RGS22: variants seen among roughly 807,000 people sequenced by gnomAD.
The protein encoded by RGS22 is regulator of G-protein signaling 22.
A neutral mutation model predicts 172.9 loss-of-function variants in RGS22; 148 were observed. The observed-to-expected ratio is 0.86, with a 90% CI of 0.75 to 0.98. RGS22 has a LOEUF of 0.98. Among genes scored for constraint, RGS22 ranks in the 50% least tolerant of loss-of-function variants. RGS22 has a pLI of 0.00. For missense variants in RGS22, 1,347 were observed against 1,440.8 expected (o/e 0.93, Z 1.05); for synonymous variants, 458 against 480.2 (o/e 0.95, Z 0.60).
At chr8:100,068,682 A>C (rs770434264) in intron 6 of RGS22, among the ~76,000 whole-genome samples, 9 of 152,142 alleles carry the variant, frequency 5.9e-5, no homozygotes, top group Non-Finnish European at 1.0e-4. Flanking sequence ...CTGTAATACC[A>C]ACTCTTTGGT....
At chr8:100,032,244 C>A (rs1818899222) in intron 14 of RGS22, among the ~76,000 whole-genome samples, 1 of 152,096 alleles carries the variant, frequency 6.6e-6, no homozygotes, top group Non-Finnish European at 1.5e-5. Context: ...AGTCAAGACC[C>A]ATCAGTGTGC....
rs2131150158 is a variant in RGS22 at position 99,973,936 on chromosome 8, T to C, written c.3519+3981A>G. 1.3e-5 allele frequency among the ~76,000 whole-genome samples: 2 copies of C among 150,984 alleles called. 1 individual carries two copies. The highest frequency in any genetic ancestry group is 1.3e-4 in the Admixed American group (2 of 15,158). ...GGTTGATGGGTGCAGCAAACTACCA[T>C]GGCACATGTATACCTATGTAACAAA... On this transcript the variant is annotated intron_variant, in intron 23 of 27. Coordinates refer to ENST00000360863, the MANE Select transcript of RGS22 (RefSeq NM_015668.5).
At chr8:99,961,989 TCTAACA>T (rs1176362513) in intron 27 of RGS22, among the ~76,000 whole-genome samples, 1 of 152,196 alleles carries the variant, frequency 6.6e-6, no homozygotes, top group Non-Finnish European at 1.5e-5. Flanking sequence ...TTTGTTAAAC[TCTAACA>T]CTAGTATCCA....
intron 11 of RGS22, among the ~76,000 whole-genome samples, chr8:100,045,007 G>T (rs1820563264): frequency 6.6e-6 from 1 of 152,102 alleles, no homozygotes; most frequent in African/African-American, 2.4e-5. Flanking sequence ...TACTGGCTGG[G>T]CTTGGTGGCT....
At chr8:100,033,425 G>A (rs1589023236) in intron 14 of RGS22, among the ~76,000 whole-genome samples, 1 of 152,086 alleles carries the variant, frequency 6.6e-6, no homozygotes, top group Non-Finnish European at 1.5e-5. Context: ...TAGAAGAAAT[G>A]GATAAATTCC....
chr8:100,007,207 A>G (rs1392542220), intron 15 of RGS22, among the ~76,000 whole-genome samples: 1 of 152,210 alleles, frequency 6.6e-6, no homozygotes, highest in Non-Finnish European at 1.5e-5. Flanking sequence ...ATGACGATCT[A>G]AGAAGTTGTT....
At chr8:100,083,963 C>T (rs534065944) in intron 3 of RGS22, among the ~76,000 whole-genome samples, 1 of 151,420 alleles carries the variant, frequency 6.6e-6, no homozygotes, top group South Asian at 2.1e-4. Flanking sequence ...GATTCTCCTG[C>T]CTCAGCCTCC....
intron 9 of RGS22, among the ~76,000 whole-genome samples, chr8:100,053,354 G>A (rs748434769): frequency 3.0e-4 from 46 of 151,502 alleles, no homozygotes; most frequent in Middle Eastern, 3.4e-3. Flanking sequence ...CCCAGAAGGC[G>A]GAGGTTGCAG....
At position 100,039,019 on chromosome 8, in the gene RGS22, C is replaced by A; in HGVS notation, c.2078G>T (p.Ser693Ile). The change falls in exon 14 of 28, where the codon AGT (serine) becomes ATT (isoleucine). Residue 693 changes from serine to isoleucine, a missense_variant. Ser to Ile is a moderately radical substitution (Grantham distance 142). Transcript: ENST00000360863. ...EHSGNKLWKN[S>I]VYFWFDLQAY... is the part of the protein sequence containing the mutation. ...CTGCAGGTCAAACCAAAAGTACACA[C>A]TGTTCTTCCACAACTACAGATGGAA... The A allele has an allele frequency of 1.2e-6, 2 of 1,602,892 alleles. No homozygotes were observed. Among genetic ancestry groups the A allele is most frequent in the Non-Finnish European group, 1.7e-6 (2 of 1,172,182 alleles).
chr8:100,101,846 T>C (rs1274291510), intron 2 of RGS22, among the ~76,000 whole-genome samples: 3 of 150,998 alleles, frequency 2.0e-5, no homozygotes, highest in Non-Finnish European at 4.4e-5. Context: ...AAAAAAAAGC[T>C]AGTATGAACA....
chr8:100,096,115 C>T (rs1812947211), intron 2 of RGS22, among the ~76,000 whole-genome samples: 1 of 152,122 alleles, frequency 6.6e-6, no homozygotes, highest in Non-Finnish European at 1.5e-5. Context: ...ACCACAAACC[C>T]TTTAATTAAA....
intron 9 of RGS22, among the ~76,000 whole-genome samples, chr8:100,056,314 G>C (rs1822244599): frequency 1.3e-5 from 2 of 152,188 alleles, no homozygotes; most frequent in South Asian, 4.1e-4. Flanking sequence ...AAAATTTGCA[G>C]CCTGATGATG....
chr8:100,090,634 T>C (rs888115028), intron 3 of RGS22, among the ~76,000 whole-genome samples: 2 of 152,088 alleles, frequency 1.3e-5, no homozygotes, highest in African/African-American at 4.8e-5. Flanking sequence ...GTGTTGAGGT[T>C]GTTATTTTAG....
At chr8:100,033,895 T>C (rs923357537) in intron 14 of RGS22, among the ~76,000 whole-genome samples, 7 of 151,828 alleles carry the variant, frequency 4.6e-5, no homozygotes, top group African/African-American at 1.7e-4. Flanking sequence ...GCAGGAAAGG[T>C]CTTGGACAAA....
In RGS22 at chr8:100,063,607, T is replaced by G. The variant is rs764602057; in HGVS notation, c.1161A>C (p.Ser387=). Residue 387 remains serine, a synonymous_variant, in exon 8 of 28, where the codon TCA becomes TCC. Coordinates refer to ENST00000360863, the MANE Select transcript of RGS22 (RefSeq NM_015668.5). Reference sequence around the variant, plus strand: ...TCTCTGGTCCAGCGCTCTCATTCTTTGAACTTAAACTTGTTTGTTCTATCT... The same window carrying G: ...TCTCTGGTCCAGCGCTCTCATTCTTGGAACTTAAACTTGTTTGTTCTATCT... ...SEEIEQTSLS[S]KNESAGPESR... is the part of the protein sequence containing the mutation. 2 of 1,614,136 alleles carry G rather than the reference T, an allele frequency of 1.2e-6. No homozygotes were observed. Among genetic ancestry groups the G allele is most frequent in the East Asian group, 4.5e-5 (2 of 44,862 alleles).
chr8:100,001,221 C>CATATATAT (rs1397528231), intron 18 of RGS22, among the ~76,000 whole-genome samples: 4 of 84,648 alleles, frequency 4.7e-5, no homozygotes, highest in African/African-American at 1.1e-4. Context: ...TATATATATA[C>CATATATAT]ATATATATAT....
At chr8:99,963,123 A>G (rs1266138308) in intron 24 of RGS22, 145 bp from the exon 25 acceptor site, 5 of 626,096 alleles carry the variant, frequency 8.0e-6, no homozygotes, top group Non-Finnish European at 1.3e-5. Flanking sequence ...ACAAGTTTAT[A>G]ATGATATGAA....
At chr8:99,961,599 CTT>C (rs946249909) in intron 27 of RGS22, among the ~76,000 whole-genome samples, 1 of 152,198 alleles carries the variant, frequency 6.6e-6, no homozygotes, top group Non-Finnish European at 1.5e-5. Context: ...AATTAAACCT[CTT>C]TCCTTTATAA....
At position 100,047,497 on chromosome 8, in the gene RGS22, G is replaced by C; in HGVS notation, c.1789C>G (p.Pro597Ala). 6.2e-7 allele frequency: 1 copy of C among 1,606,820 alleles called. No individual in the cohort carries two copies. Among genetic ancestry groups the C allele is most frequent in the South Asian group, 1.1e-5 (1 of 89,338 alleles). ...ATCACATCATCCTTAGAAGAACCTG[G>C]ATACAAAAGCTCCCGCTTCCAAGGC... The part of the protein sequence containing the change: ...QKPWKRELLY[P>A]GSSKDDVIEK... Residue 597 changes from proline to alanine, a missense_variant, in exon 11 of 28, where the codon CCA (proline) becomes GCA (alanine). Pro to Ala is a conservative substitution (Grantham distance 27). Coordinates refer to ENST00000360863, the MANE Select transcript of RGS22 (RefSeq NM_015668.5).
Sources: gnomAD v4.1 joint callset for allele counts (sites outside exome capture counted in the v4.1 genomes callset) on GRCh38, gnomAD v4.1.1 for gene constraint, MANE v1.5 for transcripts, NCBI Gene and HGNC (gene_info 2026-07-23, HGNC 2026-07-21) for gene names.